The following THRB variants were observed in gnomAD, a reference collection of about 807,000 sequenced individuals.
THRB encodes thyroid hormone receptor beta, also known as nuclear receptor subfamily 1 group A member 2.
A neutral mutation model predicts 47.8 loss-of-function variants in THRB; 12 were observed. The ratio of observed to expected loss-of-function variants is 0.25; its 90% CI spans 0.16 to 0.41. The LOEUF is 0.41. Among genes scored for constraint, THRB ranks in the 10% least tolerant of loss-of-function variants. The probability of loss-of-function intolerance (pLI) is 1.00; values close to 1 mark genes in which losing one functional copy is unlikely to be tolerated. For synonymous variants in THRB, 218 were observed against 212.2 expected (o/e 1.03, Z -0.24); for missense variants, 348 against 589.2 (o/e 0.59, Z 4.24).
chr3:24,133,555 T>C (rs1231054746), intron 8 of THRB, 93 bp from the exon 9 acceptor site: 1 of 1,143,604 alleles, frequency 8.7e-7, no homozygotes, highest in Admixed American at 1.8e-5. Flanking sequence ...TCTTCTGAAC[T>C]GATATCCTGT....
intron 4 of THRB, among the ~76,000 whole-genome samples, chr3:24,200,682 A>C (rs1159440731): frequency 6.6e-6 from 1 of 152,206 alleles, no homozygotes; most frequent in African/African-American, 2.4e-5. Flanking sequence ...ATGTGTAAAA[A>C]AATAAATAGG....
rs1017568894 is a variant in THRB at position 24,118,960 on chromosome 3, T to C, written c.*3924A>G. Reference sequence around the variant, plus strand: ...ATTCTGTGATAAGGCCAAACCTTTTTTCCCCCAGTCTGGTTTTTTTTTTTT... The same window carrying C: ...ATTCTGTGATAAGGCCAAACCTTTTCTCCCCCAGTCTGGTTTTTTTTTTTT... On this transcript the variant is annotated 3_prime_UTR_variant, in exon 11 of 11. Transcript: ENST00000646209. 2.7e-5 allele frequency: 4 copies of C among 149,884 alleles called. No homozygotes were observed. Among genetic ancestry groups the C allele is most frequent in the African/African-American group, 9.9e-5 (4 of 40,300 alleles). 9.3% of individuals were successfully genotyped at this position (149,884 alleles called of 1,614,324 possible).
intron 1 of THRB, among the ~76,000 whole-genome samples, chr3:24,435,173 G>A (rs143993641): frequency 4.4e-4 from 67 of 152,226 alleles, no homozygotes; most frequent in African/African-American, 1.5e-3. Context: ...TAGGTGTATG[G>A]CAGCATCACT....
chr3:24,259,825 T>C (rs1007743784), intron 3 of THRB, among the ~76,000 whole-genome samples: 1 of 152,116 alleles, frequency 6.6e-6, no homozygotes, highest in African/African-American at 2.4e-5. Flanking sequence ...TAACAAGTCC[T>C]TGTTTTCATC....
chr3:24,220,802 G>GAAA lies in THRB; in HGVS notation c.22+8133_22+8135dup, dbSNP rs10633175. Among the ~76,000 whole-genome samples the GAAA allele has an allele frequency of 6.4e-4, 91 of 143,006 alleles. 1 individual carries two copies. In the South Asian group the frequency reaches 0.011, roughly 18 times the overall value. 93.8% of individuals were successfully genotyped at this position (143,006 alleles called of 152,430 possible). On this transcript the variant is annotated intron_variant, in intron 4 of 10. Coordinates refer to ENST00000646209, the MANE Select transcript of THRB (RefSeq NM_001354712.2). Reference sequence around the variant, plus strand: ...GAACTTCAGTCAAGGTTAAACAAAAGAAAAAAAAAAAAAGAAAGAAACATA... The same window carrying GAAA: ...GAACTTCAGTCAAGGTTAAACAAAAGAAAAAAAAAAAAAAAAGAAAGAAACATA...
chr3:24,208,782 G>C (rs569881484), intron 4 of THRB, among the ~76,000 whole-genome samples: 271 of 152,258 alleles, frequency 1.8e-3, no homozygotes, highest in African/African-American at 6.3e-3. Flanking sequence ...TCGGGACATA[G>C]GCATGGGCAA....
At chr3:24,165,034 T>C in intron 5 of THRB, 2 of 743,594 alleles carry the variant, frequency 2.7e-6, no homozygotes, top group Non-Finnish European at 4.9e-6. Flanking sequence ...TACCTTTTTT[T>C]TGAGAATACG....
intron 4 of THRB, among the ~76,000 whole-genome samples, chr3:24,204,712 A>T (rs988694195): frequency 6.6e-6 from 1 of 152,254 alleles, no homozygotes; most frequent in Non-Finnish European, 1.5e-5. Context: ...TCTGAGCTAA[A>T]GGAGGAAATT....
intron 3 of THRB, among the ~76,000 whole-genome samples, chr3:24,276,459 C>T (rs967028962): frequency 2.6e-5 from 4 of 152,198 alleles, no homozygotes; most frequent in Non-Finnish European, 4.4e-5. Flanking sequence ...CATTTCTCAA[C>T]ATTTTTACCT....
chr3:24,472,803 C>T (rs374819046), intron 1 of THRB, among the ~76,000 whole-genome samples: 1 of 152,168 alleles, frequency 6.6e-6, no homozygotes, highest in Non-Finnish European at 1.5e-5. Context: ...AATTGACTGA[C>T]AGAAGATTCA....
intron 5 of THRB, among the ~76,000 whole-genome samples, chr3:24,170,127 A>C (rs1038146424): frequency 4.6e-5 from 7 of 151,990 alleles, no homozygotes; most frequent in African/African-American, 1.7e-4. Flanking sequence ...TCTCCAACTT[A>C]ATTCTTTCTA....
At chr3:24,133,284 G>A (rs1486489594) in intron 9 of THRB, 32 bp downstream of exon 9, 2 of 1,611,862 alleles carry the variant, frequency 1.2e-6, no homozygotes, top group Admixed American at 1.7e-5. Context: ...CTATAATTAA[G>A]AATAATGCAG....
chr3:24,322,767 T>C (rs906127300), intron 2 of THRB, among the ~76,000 whole-genome samples: 17 of 152,218 alleles, frequency 1.1e-4, no homozygotes, highest in Admixed American at 6.5e-5. Flanking sequence ...TTACAGAAGC[T>C]TGTATTTTCT....
intron 1 of THRB, among the ~76,000 whole-genome samples, chr3:24,460,110 A>G (rs2073561167): frequency 6.6e-6 from 1 of 152,158 alleles, no homozygotes; most frequent in Non-Finnish European, 1.5e-5. Context: ...CTCATTAAGG[A>G]CATTTTATTT....
At chr3:24,374,271 GACA>G (rs1169236394) in intron 1 of THRB, among the ~76,000 whole-genome samples, 1 of 151,968 alleles carries the variant, frequency 6.6e-6, no homozygotes, top group Non-Finnish European at 1.5e-5. Context: ...TATTGTCAGA[GACA>G]ACATTATAAG....
At chr3:24,285,447 G>C (rs1576552645) in intron 3 of THRB, among the ~76,000 whole-genome samples, 1 of 117,506 alleles carries the variant, frequency 8.5e-6, no homozygotes, top group East Asian at 3.1e-4. Flanking sequence ...TGGGGGGAGG[G>C]GGGAGGGATA....
rs532261806 is a variant in THRB, at chr3:24,280,496, G to A, written c.-43+16730C>T. 4.2e-3 allele frequency among the ~76,000 whole-genome samples: 635 copies of A among 152,108 alleles called. 5 individuals are homozygous for A. Among genetic ancestry groups the A allele is most frequent in the African/African-American group, 0.014 (586 of 41,476 alleles). The stretch of plus-strand genomic sequence containing the variant: ...ACCACAAAGATGGGGAAAAAACAGA[G>A]CAGAAAAACTGGAAACTCTAAAAAG... On this transcript the variant is annotated intron_variant, in intron 3 of 10. Coordinates refer to ENST00000646209, the MANE Select transcript of THRB (RefSeq NM_001354712.2).
At chr3:24,265,493 T>G (rs1414034033) in intron 3 of THRB, among the ~76,000 whole-genome samples, 2 of 152,224 alleles carry the variant, frequency 1.3e-5, no homozygotes, top group Admixed American at 6.5e-5. Flanking sequence ...TTCAAAATTT[T>G]ATGTTCTAAG....
intron 2 of THRB, among the ~76,000 whole-genome samples, chr3:24,332,401 T>C (rs1375496452): frequency 6.6e-6 from 1 of 152,198 alleles, no homozygotes; most frequent in African/African-American, 2.4e-5. Context: ...TAAGTCACTG[T>C]TTTTAATGGT....
Sources: allele counts gnomAD v4.1 joint callset (sites outside exome capture counted in the v4.1 genomes callset), GRCh38; gene constraint gnomAD v4.1.1; transcripts MANE v1.5; gene names NCBI Gene and HGNC (gene_info 2026-07-23, HGNC 2026-07-21).